The following COLEC12 variants were observed in gnomAD, a reference collection of about 807,000 sequenced individuals.
The protein encoded by COLEC12 is collectin-12.
COLEC12 carries 33 observed loss-of-function variants against 71.1 expected under a neutral mutation model. The ratio of observed to expected loss-of-function variants is 0.46; its 90% CI spans 0.35 to 0.62. COLEC12 has a LOEUF of 0.62. COLEC12 is among the 20% of genes least tolerant of loss of function. The pLI is 0.00. For synonymous variants in COLEC12, 350 were observed against 353.0 expected (o/e 0.99, Z 0.10); for missense variants, 765 against 916.1 (o/e 0.84, Z 2.13).
chr18:480,874 C>A lies in COLEC12; in HGVS notation c.8-117G>T. 5 of 908,960 alleles carry A rather than the reference C, an allele frequency of 5.5e-6. No individual in the cohort carries two copies. The highest frequency in any genetic ancestry group is 9.2e-6 in the Non-Finnish European group (5 of 543,380). 56.3% of individuals were successfully genotyped at this position (908,960 alleles called of 1,614,324 possible). On this transcript the variant is annotated intron_variant, in intron 1 of 9. Transcript: ENST00000400256. This position sits in a 1 kb window ranked among gnomAD's most constrained non-coding sequence, Gnocchi z 4.1. ...TTGTCACAGCAGCTTTCCTTCTGCT[C>A]GTGGATCGCACCAGGCTTTCTGGAA...
At chr18:371,540 G>T (rs995278914) in intron 2 of COLEC12, among the ~76,000 whole-genome samples, 2 of 152,152 alleles carry the variant, frequency 1.3e-5, no homozygotes, top group African/African-American at 4.8e-5. Context: ...AAAGGTTTCT[G>T]CTGCACAGGC....
chr18:496,591 G>A (rs1917717671), intron 1 of COLEC12, among the ~76,000 whole-genome samples: 2 of 152,222 alleles, frequency 1.3e-5, no homozygotes, highest in Middle Eastern at 3.4e-3. Context: ...GAGAGACACT[G>A]AAAAAGCAAA....
intron 8 of COLEC12, among the ~76,000 whole-genome samples, chr18:323,535 G>T (rs1034583669): frequency 6.6e-6 from 1 of 152,180 alleles, no homozygotes; most frequent in Non-Finnish European, 1.5e-5. Flanking sequence ...TCAGCCTGAC[G>T]CCAGATAGAG....
At chr18:381,639 C>A (rs1443101572) in intron 2 of COLEC12, among the ~76,000 whole-genome samples, 1 of 152,078 alleles carries the variant, frequency 6.6e-6, no homozygotes, top group Non-Finnish European at 1.5e-5. Context: ...GAAATAAATT[C>A]TTCTGAAATA....
chr18:481,988 G>C (rs374670664), intron 1 of COLEC12, among the ~76,000 whole-genome samples: 1 of 151,996 alleles, frequency 6.6e-6, no homozygotes, highest in Non-Finnish European at 1.5e-5. Context: ...GGGTTGTGGG[G>C]GTTTGGTGGA....
intron 2 of COLEC12, among the ~76,000 whole-genome samples, chr18:363,305 A>C (rs1914788022): frequency 6.6e-6 from 1 of 152,176 alleles, no homozygotes; most frequent in Non-Finnish European, 1.5e-5. Flanking sequence ...TGTGTGTTAA[A>C]ATGGATACAT....
At chr18:341,032 A>G (rs1291030894) in intron 5 of COLEC12, among the ~76,000 whole-genome samples, 1 of 152,154 alleles carries the variant, frequency 6.6e-6, no homozygotes, top group East Asian at 1.9e-4. Context: ...AGTGGTTGGC[A>G]ATGGGAGGAA....
chr18:383,823 T>C (rs1480045202), intron 2 of COLEC12, among the ~76,000 whole-genome samples: 3 of 152,128 alleles, frequency 2.0e-5, no homozygotes, highest in African/African-American at 4.8e-5. Flanking sequence ...AGAGGTATAA[T>C]TGACTCACAG....
chr18:427,232 G>A (rs565879148), intron 2 of COLEC12, among the ~76,000 whole-genome samples: 6 of 152,172 alleles, frequency 3.9e-5, no homozygotes, highest in Non-Finnish European at 5.9e-5. Flanking sequence ...GATGTGAGGC[G>A]AGCCACTTAA....
intron 3 of COLEC12, among the ~76,000 whole-genome samples, chr18:356,206 C>A (rs143200689): frequency 1.3e-5 from 2 of 152,256 alleles, no homozygotes; most frequent in East Asian, 3.9e-4. Context: ...AGGAGAGATT[C>A]TTCAATTACA....
At chr18:434,348 G>A (rs144686388) in intron 2 of COLEC12, among the ~76,000 whole-genome samples, 5 of 152,278 alleles carry the variant, frequency 3.3e-5, no homozygotes, top group South Asian at 2.1e-4. Context: ...TAAAATTGCA[G>A]GTATTTTTCA....
chr18:435,752 T>A (rs886364431), intron 2 of COLEC12, among the ~76,000 whole-genome samples: 1 of 152,234 alleles, frequency 6.6e-6, no homozygotes, highest in African/African-American at 2.4e-5. Context: ...AACATTATAT[T>A]GAGTAGCCTT....
intron 2 of COLEC12, among the ~76,000 whole-genome samples, chr18:400,999 G>T (rs1223301861): frequency 6.6e-6 from 1 of 152,084 alleles, no homozygotes; most frequent in Non-Finnish European, 1.5e-5. Context: ...ATTTTGTGAA[G>T]ATGCATTCTG....
chr18:500,552 G>C lies in COLEC12; in HGVS notation c.-38C>G. On this transcript the variant is annotated 5_prime_UTR_variant, in exon 1 of 10. Coordinates refer to ENST00000400256, the MANE Select transcript of COLEC12 (RefSeq NM_130386.3). The surrounding 1 kb of genome is among the most constrained non-coding windows in gnomAD (Gnocchi z 5.3). ...GACGCACCGCCGGCCGGGGAGCTCC[G>C]CGCGAGCGCCGCGCAGCCGAGGAAG... is the stretch of plus-strand genomic sequence containing the variant. 1.6e-6 allele frequency: 2 copies of C among 1,220,036 alleles called. No individual in the cohort carries two copies. Among genetic ancestry groups the C allele is most frequent in the African/African-American group, 1.6e-5 (1 of 63,724 alleles). The allele number at this position is 1,220,036 out of a possible 1,614,324, so 75.6% of individuals were successfully genotyped here.
At chr18:492,445 A>T (rs1272983217) in intron 1 of COLEC12, among the ~76,000 whole-genome samples, 1 of 152,220 alleles carries the variant, frequency 6.6e-6, no homozygotes, top group Non-Finnish European at 1.5e-5. Context: ...AGAACTTAGA[A>T]GTAATCAGTA....
Position 347,151 on chromosome 18 carries a change from CAA to C in COLEC12, c.469_470del (p.Leu157GlyfsTer3), listed in dbSNP as rs1316208049. On this transcript the variant is annotated frameshift_variant, in exon 5 of 10. Transcript: ENST00000400256. LOFTEE classifies it high-confidence loss of function. ...TGGTGATGAGGAAAGAGTTATTCTC[CAA>C]AGTTTCTTTCAATTGACTCTGCCTG... ...VDRQSQLKET[L>X]ENNSFLITTV... The C allele has an allele frequency of 1.2e-6, 2 of 1,614,144 alleles. No homozygotes were observed. Among genetic ancestry groups the C allele is most frequent in the Non-Finnish European group, 8.5e-7 (1 of 1,180,028 alleles).
chr18:398,394 A>G (rs1382132695), intron 2 of COLEC12, among the ~76,000 whole-genome samples: 1 of 152,250 alleles, frequency 6.6e-6, no homozygotes, highest in Non-Finnish European at 1.5e-5. Context: ...AACCAGCAGC[A>G]AATTCCCCTT....
intron 2 of COLEC12, among the ~76,000 whole-genome samples, chr18:429,561 T>C (rs1916262287): frequency 6.6e-6 from 1 of 152,158 alleles, no homozygotes; most frequent in South Asian, 2.1e-4. Context: ...TTTGTATTTT[T>C]AGTAGAGACA....
chr18:414,513 A>G (rs75977442), intron 2 of COLEC12, among the ~76,000 whole-genome samples: 41,233 of 151,826 alleles, frequency 0.27, 6,799 homozygotes, highest in South Asian at 0.53. Flanking sequence ...CAGGAGAATC[A>G]CTTGAACCCG....
Sources: allele counts gnomAD v4.1 joint callset (sites outside exome capture counted in the v4.1 genomes callset), GRCh38; gene constraint gnomAD v4.1.1; non-coding constraint Gnocchi (gnomAD v3.1); transcripts MANE v1.5; gene names NCBI Gene and HGNC (gene_info 2026-07-23, HGNC 2026-07-21).